Variants in TMTC1 observed in about 807,000 individuals in gnomAD.
The protein encoded by TMTC1 is protein O-mannosyl-transferase TMTC1.
TMTC1 carries 73 observed loss-of-function variants against 104.8 expected under a neutral mutation model. That is an observed-to-expected ratio of 0.70 (90% CI 0.58 to 0.85). The LOEUF is 0.85. TMTC1 is among the 40% of genes least tolerant of loss of function. The pLI, the probability that TMTC1 is intolerant of heterozygous loss-of-function variation, is 0.00. For missense variants in TMTC1, 1,035 were observed against 1,096.1 expected, an observed-to-expected ratio of 0.94 and a Z score of 0.79; for synonymous variants, 434 against 428.7, an observed-to-expected ratio of 1.01 and a Z score of -0.15.
chr12:29,766,710 G>GT (rs1943472664), intron 2 of TMTC1, among the ~76,000 whole-genome samples: 1 of 152,146 alleles, frequency 6.6e-6, no homozygotes, highest in Non-Finnish European at 1.5e-5. Context: ...TTTACTGCAG[G>GT]TGTGTACTCA....
intron 8 of TMTC1, among the ~76,000 whole-genome samples, chr12:29,577,993 T>C (rs1369368453): frequency 1.3e-5 from 2 of 152,030 alleles, no homozygotes; most frequent in Non-Finnish European, 1.5e-5. Flanking sequence ...TAGCAGTAAG[T>C]TTTGAAGGCA....
chr12:29,607,346 T>A (rs945187307), intron 6 of TMTC1, among the ~76,000 whole-genome samples: 3 of 152,160 alleles, frequency 2.0e-5, no homozygotes, highest in Admixed American at 6.5e-5. Flanking sequence ...ATTTGCTGAA[T>A]AAATCAATTA....
At chr12:29,611,163 T>C (rs1025567785) in intron 6 of TMTC1, among the ~76,000 whole-genome samples, 5 of 149,486 alleles carry the variant, frequency 3.3e-5, no homozygotes, top group African/African-American at 1.2e-4. Context: ...TTTCTGGTCT[T>C]TGGTTCTGAA....
At chr12:29,713,883 G>A (rs1591964226) in intron 5 of TMTC1, among the ~76,000 whole-genome samples, 1 of 152,076 alleles carries the variant, frequency 6.6e-6, no homozygotes, top group Middle Eastern at 3.4e-3. Flanking sequence ...GGTGTAACAA[G>A]AGATGTGTTG....
intron 1 of TMTC1, among the ~76,000 whole-genome samples, chr12:29,782,543 G>T (rs1943858014): frequency 6.6e-6 from 1 of 152,312 alleles, no homozygotes; most frequent in South Asian, 2.1e-4. Flanking sequence ...GAACTTCAAT[G>T]CTGAGCCACA....
At chr12:29,619,343 C>A (rs945568730) in intron 6 of TMTC1, among the ~76,000 whole-genome samples, 1 of 152,176 alleles carries the variant, frequency 6.6e-6, no homozygotes, top group African/African-American at 2.4e-5. Context: ...CCAGGTACAA[C>A]TGAATGGTAT....
chr12:29,558,471 C>A lies in TMTC1; in HGVS notation c.1533-1471G>T, dbSNP rs1021071599. On this transcript the variant is annotated intron_variant, in intron 9 of 17. Transcript: ENST00000539277. Reference sequence around the variant, plus strand: ...CCAGAGTCTCTTAAGTTTATTTGACCCTTCGCTACTCCCTTACAGAACAGC... The same window carrying A: ...CCAGAGTCTCTTAAGTTTATTTGACACTTCGCTACTCCCTTACAGAACAGC... Among the ~76,000 whole-genome samples the A allele has an allele frequency of 1.2e-4, 18 of 152,168 alleles. 1 individual carries two copies. The highest frequency in any genetic ancestry group is 1.2e-3 in the Admixed American group (18 of 15,276).
At chr12:29,659,963 G>T (rs1939936896) in intron 5 of TMTC1, 2 of 1,535,760 alleles carry the variant, frequency 1.3e-6, no homozygotes, top group Non-Finnish European at 1.7e-6. Flanking sequence ...TCCACAGACG[G>T]AAGTACAAAA....
At chr12:29,600,674 T>C (rs891838359) in intron 7 of TMTC1, among the ~76,000 whole-genome samples, 7 of 152,212 alleles carry the variant, frequency 4.6e-5, no homozygotes, top group African/African-American at 1.4e-4. Context: ...AGGTCAGGAC[T>C]GTAAACCTGG....
chr12:29,761,799 T>C (rs1943357042), intron 2 of TMTC1, among the ~76,000 whole-genome samples: 1 of 152,148 alleles, frequency 6.6e-6, no homozygotes, highest in Non-Finnish European at 1.5e-5. Flanking sequence ...CAACAATTAA[T>C]AGTAGGAAAT....
chr12:29,536,585 T>C (rs926234377), intron 10 of TMTC1, among the ~76,000 whole-genome samples: 1 of 152,210 alleles, frequency 6.6e-6, no homozygotes, highest in Non-Finnish European at 1.5e-5. Context: ...TGTGCACTCT[T>C]CGAGAGTTAT....
intron 5 of TMTC1, among the ~76,000 whole-genome samples, chr12:29,714,998 T>C (rs934226542): frequency 2.0e-5 from 3 of 152,340 alleles, no homozygotes; most frequent in South Asian, 2.1e-4. Flanking sequence ...AAAATAGTAC[T>C]TTTTACCCAT....
intron 5 of TMTC1, among the ~76,000 whole-genome samples, chr12:29,697,078 T>C (rs79252719): frequency 6.6e-6 from 1 of 152,202 alleles, no homozygotes; most frequent in Admixed American, 6.5e-5. Context: ...ACCAATTTAT[T>C]CTCAGAACTT....
chr12:29,761,761 G>A (rs1224520474), intron 2 of TMTC1, among the ~76,000 whole-genome samples: 5 of 152,290 alleles, frequency 3.3e-5, no homozygotes, highest in South Asian at 2.1e-4. Context: ...CAGAAGACCC[G>A]AGGTCTATGG....
intron 6 of TMTC1, among the ~76,000 whole-genome samples, chr12:29,620,939 A>C (rs1937642601): frequency 6.6e-6 from 1 of 152,184 alleles, no homozygotes; most frequent in Admixed American, 6.5e-5. Flanking sequence ...GGTCAGAAGG[A>C]CCGTGGCAAG....
chr12:29,573,121 G>T (rs1426458291), intron 8 of TMTC1, among the ~76,000 whole-genome samples: 1 of 152,066 alleles, frequency 6.6e-6, no homozygotes, highest in Non-Finnish European at 1.5e-5. Context: ...AGTACTCGGG[G>T]GTGCTGTGTT....
intron 6 of TMTC1, among the ~76,000 whole-genome samples, chr12:29,626,880 C>T (rs1288080270): frequency 2.6e-5 from 4 of 152,146 alleles, no homozygotes; most frequent in Non-Finnish European, 5.9e-5. Flanking sequence ...GCAGGTGGAT[C>T]ACTTGAGGTC....
chr12:29,759,066 T>C (rs541170439), intron 2 of TMTC1, among the ~76,000 whole-genome samples: 2 of 152,350 alleles, frequency 1.3e-5, no homozygotes, highest in African/African-American at 2.4e-5. Context: ...AATTTATTCA[T>C]GTATTAACTT....
chr12:29,755,631 T>C (rs1943196099), intron 4 of TMTC1, 78 bp downstream of exon 4: 2 of 1,261,316 alleles, frequency 1.6e-6, no homozygotes, highest in South Asian at 3.0e-5. Context: ...ATTTTTTAAA[T>C]GGAAGTTTGG....
Sources: allele counts gnomAD v4.1 joint callset (sites outside exome capture counted in the v4.1 genomes callset), GRCh38; gene constraint gnomAD v4.1.1; transcripts MANE v1.5; gene names NCBI Gene and HGNC (gene_info 2026-07-23, HGNC 2026-07-21).